Variants in PNPLA6 observed in about 807,000 individuals in gnomAD.
PNPLA6 encodes patatin-like phospholipase domain-containing protein 6.
In PNPLA6, 105 loss-of-function variants were observed where a neutral mutation model predicts 153.7. That is an observed-to-expected ratio of 0.68 (90% CI 0.58 to 0.80). PNPLA6 has a LOEUF of 0.80. Among genes scored for constraint, PNPLA6 ranks in the 30% least tolerant of loss-of-function variants. PNPLA6 has a pLI of 0.00. For synonymous variants in PNPLA6, 825 were observed against 822.2 expected, an observed-to-expected ratio of 1.00 and a Z score of -0.06; for missense variants, 1,423 against 1,919.3, an observed-to-expected ratio of 0.74 and a Z score of 4.83.
At position 7,555,362 on chromosome 19, in the gene PNPLA6, G is replaced by C; in HGVS notation, c.2931G>C (p.Gly977=). The change falls in exon 23 of 32, where the codon GGG becomes GGC. Residue 977 remains glycine (G), a synonymous_variant. Transcript: ENST00000600737. This position sits in a 1 kb window ranked among gnomAD's most constrained non-coding sequence, Gnocchi z 6.3. ...TTGCCCTTGTGCTAGGCGGGGGCGG[G>C]GCCAGGTGAGGGCGGGGCTTGCTCT... The part of the protein sequence containing the change: ...NTIALVLGGG[G]ARGCSHIGVL... The C allele has an allele frequency of 6.5e-7, 1 of 1,542,700 alleles. No homozygotes were observed. Among genetic ancestry groups the C allele is most frequent in the Non-Finnish European group, 8.8e-7 (1 of 1,139,976 alleles).
In PNPLA6 at chr19:7,535,895, G is replaced by A. The variant is rs1722898836; in HGVS notation, c.107G>A (p.Arg36Gln). The A allele has an allele frequency of 6.5e-7, 1 of 1,550,088 alleles. No homozygotes were observed. The highest frequency in any genetic ancestry group is 1.4e-5 in the African/African-American group (1 of 74,042). Residue 36 changes from arginine (R) to glutamine (Q), a missense_variant, in exon 1 of 32, where the codon CGG becomes CAG. By Grantham distance (43) the Arg-to-Gln change is conservative. Coordinates refer to ENST00000600737, the MANE Select transcript of PNPLA6 (RefSeq NM_001166114.2). This position sits in a 1 kb window ranked among gnomAD's most constrained non-coding sequence, Gnocchi z 5.0. ...GCGCCCGGGGAAGGCTCGGCGGGACGGATTTGCGGTGCGCAGCCAGTGCCG... is the reference window on the plus strand; with the variant it reads ...GCGCCCGGGGAAGGCTCGGCGGGACAGATTTGCGGTGCGCAGCCAGTGCCG... ...VLAPGEGSAG[R>Q]ICGAQPVPFV...
At position 7,540,880 on chromosome 19, in the gene PNPLA6, C is replaced by A. The variant is rs565040490; in HGVS notation, c.796-43C>A. 7.4e-6 allele frequency: 12 copies of A among 1,612,526 alleles called. No homozygotes were observed. In the African/African-American group the frequency reaches 1.2e-4, roughly 16 times the overall value. On this transcript the variant is annotated intron_variant, in intron 6 of 31. Transcript: ENST00000600737. This position sits in a 1 kb window ranked among gnomAD's most constrained non-coding sequence, Gnocchi z 6.8. ...TTAGGGGAGTAGCGAGGGGGACTCG[C>A]AGCCTCTGCCCTTGTCTCTCTTCAC...
chr19:7,555,870 C>T lies in PNPLA6; in HGVS notation c.3093+107C>T. 3.3e-6 allele frequency: 4 copies of T among 1,195,694 alleles called. No homozygotes were observed. The highest frequency in any genetic ancestry group is 3.6e-6 in the Non-Finnish European group (3 of 822,266). The allele number at this position is 1,195,694 out of a possible 1,614,324, so 74.1% of individuals were successfully genotyped here. A position where few individuals can be genotyped will look rare whatever the true frequency, so the allele number is the denominator to read the frequency against. On this transcript the variant is annotated intron_variant, in intron 24 of 31. Coordinates refer to ENST00000600737, the MANE Select transcript of PNPLA6 (RefSeq NM_001166114.2). The surrounding 1 kb of genome is among the most constrained non-coding windows in gnomAD (Gnocchi z 6.3). The stretch of plus-strand genomic sequence containing the variant: ...AGCCTCCGGGGTCAGGGTGACCCTT[C>T]CTGATTAAATCTATGATCCCCAGCT...
At position 7,540,209 on chromosome 19, in the gene PNPLA6, G is replaced by A. The variant is rs1383823019; in HGVS notation, c.615G>A (p.Gln205=). The A allele has an allele frequency of 6.2e-7, 1 of 1,610,480 alleles. No homozygotes were observed. The highest frequency in any genetic ancestry group is 8.5e-7 in the Non-Finnish European group (1 of 1,180,014). The change falls in exon 5 of 32, where the codon CAG becomes CAA. Residue 205 remains glutamine, a synonymous_variant. Transcript: ENST00000600737. The surrounding 1 kb of genome is among the most constrained non-coding windows in gnomAD (Gnocchi z 6.8). ...FLELCRHMVF[Q]RLGQGDYVFR... is the part of the protein sequence containing the mutation. ...AGCTCTGCCGCCACATGGTCTTCCA[G>A]CGGCTGGGCCAGGGTGACTACGTCT... is the stretch of plus-strand genomic sequence containing the variant.
intron 16 of PNPLA6, 75 bp downstream of exon 16, chr19:7,550,715 G>A: frequency 6.4e-7 from 1 of 1,553,206 alleles, no homozygotes; most frequent in South Asian, 1.1e-5. Context: ...ACATCATCCC[G>A]GGTAATCCAG....
chr19:7,540,596 G>T lies in PNPLA6; in HGVS notation c.715-34G>T. 6.5e-7 allele frequency: 1 copy of T among 1,534,878 alleles called. No homozygotes were observed. The stretch of plus-strand genomic sequence containing the variant: ...GGCGACATGCCAGTCACCAGGGCGA[G>T]GCCACTGAGGGTCCACGGTCTCCTG... On this transcript the variant is annotated intron_variant, in intron 5 of 31. Transcript: ENST00000600737. The surrounding 1 kb of genome is among the most constrained non-coding windows in gnomAD (Gnocchi z 6.8).
intron 17 of PNPLA6, 57 bp from the exon 18 acceptor site, chr19:7,551,305 G>A: frequency 6.5e-7 from 1 of 1,534,464 alleles, no homozygotes; most frequent in Non-Finnish European, 9.0e-7. Context: ...GGGAGAGGTG[G>A]GACCTGGACA....
chr19:7,542,061 A>G lies in PNPLA6; in HGVS notation c.1246A>G (p.Ile416Val), dbSNP rs1238038334. Residue 416 changes from isoleucine to valine, a missense_variant, in exon 10 of 32, where the codon ATC (isoleucine) becomes GTC (valine). Coordinates refer to ENST00000600737, the MANE Select transcript of PNPLA6 (RefSeq NM_001166114.2). ...CCGCTGCGTCTCCATGCCAGGGGAC[A>G]TCTCAGGTTTGGAGCACTGGGTCTG... ...LSRCVSMPGD[I>V]SGLQGGPRSD... 12 of 1,605,726 alleles carry G rather than the reference A, an allele frequency of 7.5e-6. No homozygotes were observed. The highest frequency in any genetic ancestry group is 1.0e-5 in the Non-Finnish European group (12 of 1,179,792).
chr19:7,545,781 G>A (rs927857367), intron 13 of PNPLA6, among the ~76,000 whole-genome samples: 1 of 151,882 alleles, frequency 6.6e-6, no homozygotes, highest in Non-Finnish European at 1.5e-5. Flanking sequence ...GCACGATGGC[G>A]GGCGCCTCTA....
chr19:7,541,135 C>T lies in PNPLA6; in HGVS notation c.924+84C>T. 1.4e-6 allele frequency: 2 copies of T among 1,472,392 alleles called. No individual in the cohort carries two copies. The highest frequency in any genetic ancestry group is 1.4e-5 in the African/African-American group (1 of 71,978). 91.2% of individuals were successfully genotyped at this position (1,472,392 alleles called of 1,614,324 possible). A position where few individuals can be genotyped will look rare whatever the true frequency, so the allele number is the denominator to read the frequency against. ...TTCCAGGCTCCAAGGGACCGAGGCC[C>T]AGCAGCCAGCAGGCGCTGGAGCTGT... On this transcript the variant is annotated intron_variant, in intron 7 of 31. Transcript: ENST00000600737. This position sits in a 1 kb window ranked among gnomAD's most constrained non-coding sequence, Gnocchi z 5.2.
chr19:7,557,453 C>T (rs2023932161), intron 27 of PNPLA6, 169 bp downstream of exon 27: 7 of 677,550 alleles, frequency 1.0e-5, no homozygotes, highest in Non-Finnish European at 1.9e-5. Context: ...CAAAATGATA[C>T]ATGAATGTGC....
chr19:7,553,376 C>A (rs946872908), intron 18 of PNPLA6, among the ~76,000 whole-genome samples: 3 of 152,168 alleles, frequency 2.0e-5, no homozygotes, highest in Non-Finnish European at 4.4e-5. Flanking sequence ...CTCAGCCTCC[C>A]AAGTAGCTGG....
At chr19:7,542,973 G>A (rs752160440) in intron 12 of PNPLA6, 34 bp from the exon 13 acceptor site, 1 of 1,613,642 alleles carries the variant, frequency 6.2e-7, no homozygotes. Flanking sequence ...AGGGAGGCCT[G>A]GCTGCGCCCA....
rs768464955 is a variant in PNPLA6 at position 7,540,122 on chromosome 19, C to G, written c.555-27C>G. On this transcript the variant is annotated intron_variant, in intron 4 of 31. Transcript: ENST00000600737. This position sits in a 1 kb window ranked among gnomAD's most constrained non-coding sequence, Gnocchi z 6.8. ...ACGTGGGGCCGCCCTGACCTCCAGCCTCTGTCGCCCACCGCCTGTCCAACA... is the reference window on the plus strand; with the variant it reads ...ACGTGGGGCCGCCCTGACCTCCAGCGTCTGTCGCCCACCGCCTGTCCAACA... 2 of 1,613,302 alleles carry G rather than the reference C, an allele frequency of 1.2e-6. No homozygotes were observed. Among genetic ancestry groups the G allele is most frequent in the East Asian group, 2.2e-5 (1 of 44,896 alleles).
rs1402059816 is a variant in PNPLA6 at position 7,555,062 on chromosome 19, G to A, written c.2804G>A (p.Ser935Asn). The A allele has an allele frequency of 2.1e-5, 34 of 1,592,872 alleles. No homozygotes were observed. In the East Asian group the frequency reaches 7.6e-4, roughly 36 times the overall value. ...CCGCGCCGCCTCTTTTCGCGCCGCAGCCCTGCCAAGCTGGTGAGGAGCGGG... is the reference window on the plus strand; with the variant it reads ...CCGCGCCGCCTCTTTTCGCGCCGCAACCCTGCCAAGCTGGTGAGGAGCGGG... ...RCPRRLFSRR[S>N]PAKLHELYEK... The change falls in exon 22 of 32, where the codon AGC (serine) becomes AAC (asparagine). Residue 935 changes from serine (S) to asparagine (N), a missense_variant. Ser to Asn is a conservative substitution (Grantham distance 46, BLOSUM62 1). Around this residue, in one of 10 missense-constraint regions of PNPLA6, gnomAD observed 643 missense variants for 835.2 expected, o/e 0.77. Transcript: ENST00000600737. This position sits in a 1 kb window ranked among gnomAD's most constrained non-coding sequence, Gnocchi z 6.3.
intron 13 of PNPLA6, among the ~76,000 whole-genome samples, chr19:7,546,476 C>A (rs1052715366): frequency 1.3e-5 from 2 of 151,628 alleles, no homozygotes; most frequent in African/African-American, 4.8e-5. Flanking sequence ...AAAAAACAAA[C>A]AAAAAAAATT....
At chr19:7,537,963 G>C (rs2022954617) in intron 3 of PNPLA6, among the ~76,000 whole-genome samples, 1 of 151,838 alleles carries the variant, frequency 6.6e-6, no homozygotes, top group Non-Finnish European at 1.5e-5. Context: ...TCTGTGAGTT[G>C]AGTAGAAGGA....
Position 7,536,432 on chromosome 19 carries a change from C to T in PNPLA6, c.316-17C>T, listed in dbSNP as rs377442112. On this transcript the variant is annotated splice_polypyrimidine_tract_variant and intron_variant, in intron 2 of 31. Coordinates refer to ENST00000600737, the MANE Select transcript of PNPLA6 (RefSeq NM_001166114.2). ...TCTGAATTAGCAATTCACCCATCTC[C>T]GCCTTCATTCTCCCAGGTGTCACAA... The T allele has an allele frequency of 2.6e-5, 41 of 1,582,852 alleles. No homozygotes were observed. The highest frequency in any genetic ancestry group is 3.0e-5 in the Non-Finnish European group (34 of 1,151,724).
At chr19:7,557,101 C>A in intron 26 of PNPLA6, 67 bp from the exon 27 acceptor site, 1 of 1,232,710 alleles carries the variant, frequency 8.1e-7, no homozygotes, top group Non-Finnish European at 1.2e-6. Flanking sequence ...GCCCATCGGG[C>A]CGGCTGGGCC....
Sources: gnomAD v4.1 joint callset for allele counts (sites outside exome capture counted in the v4.1 genomes callset) on GRCh38, gnomAD v4.1.1 for gene constraint, gnomAD v4.1.1 regional missense constraint, Gnocchi (gnomAD v3.1) non-coding constraint, MANE v1.5 for transcripts, NCBI Gene and HGNC (gene_info 2026-07-23, HGNC 2026-07-21) for gene names.